Variants in CARNMT1 observed in about 807,000 individuals in gnomAD.
The protein encoded by CARNMT1 is carnosine N-methyltransferase 1.
In CARNMT1, 28 loss-of-function variants were observed where a neutral mutation model predicts 49.6. That is an observed-to-expected ratio of 0.56 (90% CI 0.42 to 0.77). The LOEUF is 0.77. CARNMT1 is among the 30% of genes least tolerant of loss of function. CARNMT1 has a pLI of 0.00. For missense variants in CARNMT1, 421 were observed against 512.6 expected (o/e 0.82, Z 1.73); for synonymous variants, 178 against 175.0 (o/e 1.02, Z -0.13).
chr9:74,998,657 G>A lies in CARNMT1; in HGVS notation c.851C>T (p.Pro284Leu). Residue 284 changes from proline to leucine, a missense_variant, in exon 5 of 8, where the codon CCT becomes CTT. Around this residue, in one of 2 missense-constraint regions of CARNMT1, gnomAD observed 235 missense variants for 344.8 expected, o/e 0.68. Coordinates refer to ENST00000376834, the MANE Select transcript of CARNMT1 (RefSeq NM_152420.3). ...TGTCATAGAAAAGTTAGAACCAGGA[G>A]GAAGACTGTGGGGGTCAACATCAGG... ...FFPDVDPHSL[P>L]PGSNFSMTAG... 1 of 1,607,290 alleles carries A rather than the reference G, an allele frequency of 6.2e-7. No individual in the cohort carries two copies. Among genetic ancestry groups the A allele is most frequent in the Non-Finnish European group, 8.5e-7 (1 of 1,176,714 alleles).
chr9:74,987,854 T>C lies in CARNMT1; in HGVS notation c.1025-2844A>G, dbSNP rs1339109530. Among the ~76,000 whole-genome samples, 13 of 152,042 alleles carry C rather than the reference T, an allele frequency of 8.6e-5. 1 individual carries two copies. Among genetic ancestry groups the C allele is most frequent in the Non-Finnish European group, 8.8e-5 (6 of 67,992 alleles). The stretch of plus-strand genomic sequence containing the variant: ...TTAAACAAAATATTTGCTAATTTGA[T>C]ATGGGGAAAATTATATATAATTTGA... On this transcript the variant is annotated intron_variant, in intron 6 of 7. Coordinates refer to ENST00000376834, the MANE Select transcript of CARNMT1 (RefSeq NM_152420.3).
At position 75,028,071 on chromosome 9, in the gene CARNMT1, C is replaced by G; in HGVS notation, c.171G>C (p.Glu57Asp). The change falls in exon 1 of 8, where the codon GAG becomes GAC. Residue 57 changes from glutamate (E) to aspartate (D), a missense_variant. Coordinates refer to ENST00000376834, the MANE Select transcript of CARNMT1 (RefSeq NM_152420.3). ...AGTGCTCACGCTCAAGCCTCTCCTC[C>G]TCCTCCTCGGTGCTGCGCGTGGCCG... ...AAAATRSTEEEEERLEREHFW... is the reference protein window; with the variant it reads ...AAAATRSTEEDEERLEREHFW... 1.3e-6 allele frequency: 2 copies of G among 1,577,694 alleles called. No homozygotes were observed. The highest frequency in any genetic ancestry group is 1.7e-6 in the Non-Finnish European group (2 of 1,164,240).
rs1431823249 is a variant in CARNMT1 at position 74,981,905 on chromosome 9, ATT to A, written c.*1860_*1861del. On this transcript the variant is annotated 3_prime_UTR_variant, in exon 8 of 8. Transcript: ENST00000376834. Reference sequence around the variant, plus strand: ...CAAGTTTTCTTCTTTTAAAACAATAATTTGAGTTTTTTTTTTCTTCCTTGCCA... The same window carrying A: ...CAAGTTTTCTTCTTTTAAAACAATAATGAGTTTTTTTTTTCTTCCTTGCCA... The A allele has an allele frequency of 6.6e-6, 1 of 151,356 alleles. No homozygotes were observed. The highest frequency in any genetic ancestry group is 1.5e-5 in the Non-Finnish European group (1 of 67,558). The allele number at this position is 151,356 out of a possible 1,614,324, so 9.4% of individuals were successfully genotyped here.
At chr9:75,011,367 T>C (rs139055834) in intron 3 of CARNMT1, among the ~76,000 whole-genome samples, 10 of 152,242 alleles carry the variant, frequency 6.6e-5, no homozygotes, top group East Asian at 3.9e-4. Context: ...CCTCCTGTGA[T>C]TGTCATTATT....
chr9:75,019,578 T>A (rs913273684), intron 1 of CARNMT1, among the ~76,000 whole-genome samples: 8 of 152,164 alleles, frequency 5.3e-5, no homozygotes, highest in Non-Finnish European at 5.9e-5. Flanking sequence ...GAGGCTTCAA[T>A]TAACTTAACA....
intron 3 of CARNMT1, among the ~76,000 whole-genome samples, chr9:75,009,153 T>C (rs1447431521): frequency 6.7e-6 from 1 of 149,776 alleles, no homozygotes; most frequent in African/African-American, 2.5e-5. Context: ...TACCCACATA[T>C]AAAAATTAAC....
intron 5 of CARNMT1, among the ~76,000 whole-genome samples, chr9:74,997,881 C>A (rs1457054052): frequency 6.6e-6 from 1 of 152,086 alleles, no homozygotes; most frequent in Admixed American, 6.6e-5. Flanking sequence ...TCTCTTTTGA[C>A]ACCTAGAAAA....
At chr9:75,016,592 A>T in intron 2 of CARNMT1, 161 bp from the exon 3 acceptor site, 1 of 627,596 alleles carries the variant, frequency 1.6e-6, no homozygotes, top group Non-Finnish European at 2.7e-6. Flanking sequence ...TCCTAAATGA[A>T]AAGAGTTTGG....
chr9:75,003,585 G>A (rs1833425300), intron 3 of CARNMT1, among the ~76,000 whole-genome samples: 2 of 152,194 alleles, frequency 1.3e-5, no homozygotes, highest in South Asian at 4.1e-4. Flanking sequence ...CAATACCCCT[G>A]AATCTCCTTC....
intron 6 of CARNMT1, among the ~76,000 whole-genome samples, chr9:74,994,357 T>A (rs1833124279): frequency 6.6e-6 from 1 of 152,258 alleles, no homozygotes; most frequent in South Asian, 2.1e-4. Flanking sequence ...AGGCTCCCAG[T>A]ATTTTTCTTC....
intron 3 of CARNMT1, among the ~76,000 whole-genome samples, chr9:75,001,558 CATT>C (rs1833358340): frequency 6.6e-6 from 1 of 152,094 alleles, no homozygotes; most frequent in Non-Finnish European, 1.5e-5. Flanking sequence ...AAATTACTGG[CATT>C]ATGACAAAGA....
chr9:74,996,431 A>C lies in CARNMT1; in HGVS notation c.1024+16T>G, dbSNP rs549370124. ...AGATTAATATACAAAATTTTAGTAA[A>C]TACTAAAAAACTTACCTAGATTTAT... is the stretch of plus-strand genomic sequence containing the variant. On this transcript the variant is annotated intron_variant, in intron 6 of 7. Coordinates refer to ENST00000376834, the MANE Select transcript of CARNMT1 (RefSeq NM_152420.3). 2.0e-5 allele frequency: 28 copies of C among 1,372,020 alleles called. No individual in the cohort carries two copies. The Admixed American group carries it at 2.7e-4, about 13-fold the overall frequency. 85.0% of individuals were successfully genotyped at this position (1,372,020 alleles called of 1,614,324 possible).
intron 7 of CARNMT1, 149 bp from the exon 8 acceptor site, chr9:74,984,017 A>G (rs1832753520): frequency 2.2e-6 from 1 of 453,886 alleles, no homozygotes; most frequent in Non-Finnish European, 3.9e-6. Context: ...GGTACTATTA[A>G]TATTAGTAGT....
At chr9:75,004,366 T>C (rs575042260) in intron 3 of CARNMT1, among the ~76,000 whole-genome samples, 1 of 152,342 alleles carries the variant, frequency 6.6e-6, no homozygotes, top group Non-Finnish European at 1.5e-5. Context: ...CCCTATGAGA[T>C]TGAGTGTCCT....
At chr9:75,004,211 T>C (rs192113387) in intron 3 of CARNMT1, among the ~76,000 whole-genome samples, 1 of 152,370 alleles carries the variant, frequency 6.6e-6, no homozygotes, top group East Asian at 1.9e-4. Flanking sequence ...TAAGCCACAT[T>C]GTTCTACATA....
chr9:75,000,423 G>A (rs919825619), intron 3 of CARNMT1, among the ~76,000 whole-genome samples: 3 of 152,022 alleles, frequency 2.0e-5, no homozygotes, highest in Admixed American at 6.6e-5. Flanking sequence ...AATGGGAAAC[G>A]GCCCTCTAAT....
rs1054812200 is a variant in CARNMT1, at chr9:75,028,110, C to T, written c.132G>A (p.Ser44=). ...AGRWGSAAAV[S]AAAAAATRST... is the part of the protein sequence containing the mutation. ...TGCGCGTGGCCGCCGCCGCTGCCGC[C>T]GAAACCGCCGCGGCCGAGCCCCAAC... Residue 44 remains serine, a synonymous_variant, in exon 1 of 8, where the codon TCG becomes TCA. Coordinates refer to ENST00000376834, the MANE Select transcript of CARNMT1 (RefSeq NM_152420.3). 104 of 1,557,112 alleles carry T rather than the reference C, an allele frequency of 6.7e-5. No homozygotes were observed. The highest frequency in any genetic ancestry group is 8.8e-5 in the Non-Finnish European group (102 of 1,153,260).
chr9:75,012,198 GAAT>G (rs1338720172), intron 3 of CARNMT1, among the ~76,000 whole-genome samples: 1 of 151,890 alleles, frequency 6.6e-6, no homozygotes, highest in African/African-American at 2.4e-5. Flanking sequence ...AGATGTGACT[GAAT>G]ATCACTTATA....
intron 3 of CARNMT1, among the ~76,000 whole-genome samples, chr9:75,008,619 T>C (rs1302563119): frequency 6.6e-6 from 1 of 152,150 alleles, no homozygotes; most frequent in African/African-American, 2.4e-5. Flanking sequence ...TATGAATAAA[T>C]CTAACCAAAG....
Sources: gnomAD v4.1 joint callset for allele counts (sites outside exome capture counted in the v4.1 genomes callset) on GRCh38, gnomAD v4.1.1 for gene constraint, gnomAD v4.1.1 regional missense constraint, MANE v1.5 for transcripts, NCBI Gene and HGNC (gene_info 2026-07-23, HGNC 2026-07-21) for gene names.